The following ATRNL1 variants were observed in gnomAD, a reference collection of about 807,000 sequenced individuals.
The protein encoded by ATRNL1 is attractin-like protein 1.
A neutral mutation model predicts 182.7 loss-of-function variants in ATRNL1; 95 were observed. The observed-to-expected ratio is 0.52, with a 90% CI of 0.44 to 0.62. The LOEUF (loss-of-function observed/expected upper bound fraction) is 0.62, where lower values mean the gene tolerates loss of function less well. Among genes scored for constraint, ATRNL1 ranks in the 20% least tolerant of loss-of-function variants. The pLI is 0.00. For missense variants in ATRNL1, 1,471 were observed against 1,679.5 expected, an observed-to-expected ratio of 0.88 and a Z score of 2.17; for synonymous variants, 576 against 568.3, an observed-to-expected ratio of 1.01 and a Z score of -0.19.
intron 28 of ATRNL1, among the ~76,000 whole-genome samples, chr10:115,860,070 G>GA (rs1168705058): frequency 2.6e-5 from 4 of 152,242 alleles, no homozygotes; most frequent in East Asian, 1.9e-4. Context: ...AAAAGCACTG[G>GA]AAAAAATATG....
intron 19 of ATRNL1, among the ~76,000 whole-genome samples, chr10:115,362,528 T>A (rs1020128742): frequency 2.6e-5 from 4 of 152,144 alleles, no homozygotes; most frequent in African/African-American, 9.6e-5. Context: ...TGTTTTTTTT[T>A]TTTTATTATA....
intron 13 of ATRNL1, among the ~76,000 whole-genome samples, chr10:115,276,195 A>G (rs1465718724): frequency 6.6e-6 from 1 of 151,992 alleles, no homozygotes; most frequent in African/African-American, 2.4e-5. Context: ...ACCCCTTATA[A>G]TGGTGTTAAT....
intron 21 of ATRNL1, among the ~76,000 whole-genome samples, chr10:115,426,852 G>A (rs1554963013): frequency 6.6e-6 from 1 of 152,090 alleles, no homozygotes; most frequent in African/African-American, 2.4e-5. Flanking sequence ...AGCCTCCCAA[G>A]TAGCTGGGAT....
chr10:115,358,381 C>T (rs539511369), intron 19 of ATRNL1, among the ~76,000 whole-genome samples: 5 of 151,580 alleles, frequency 3.3e-5, no homozygotes, highest in African/African-American at 9.6e-5. Flanking sequence ...ATACTGAGCC[C>T]AGATAACTTT....
chr10:115,190,215 G>A (rs979012074), intron 8 of ATRNL1, among the ~76,000 whole-genome samples: 2 of 152,010 alleles, frequency 1.3e-5, no homozygotes, highest in Admixed American at 6.6e-5. Flanking sequence ...TTAGCAAACT[G>A]CTTTGCCATT....
chr10:115,212,643 T>C (rs1484510844), intron 8 of ATRNL1, among the ~76,000 whole-genome samples: 1 of 152,104 alleles, frequency 6.6e-6, no homozygotes, highest in African/African-American at 2.4e-5. Context: ...GTCGTACATA[T>C]ACACCGTGGA....
intron 1 of ATRNL1, chr10:115,096,579 C>T (rs2085016488): frequency 1.1e-6 from 1 of 879,916 alleles, no homozygotes; most frequent in Admixed American, 2.4e-5. Context: ...ATTGATCAAT[C>T]TTGGTAAGCA....
intron 27 of ATRNL1, among the ~76,000 whole-genome samples, chr10:115,815,495 G>GT (rs2134267537): frequency 7.0e-6 from 1 of 142,922 alleles, no homozygotes; most frequent in Non-Finnish European, 1.5e-5. Flanking sequence ...TTCCACTTGT[G>GT]TTTTTTTCAG....
At chr10:115,172,710 C>T (rs112633973) in intron 8 of ATRNL1, among the ~76,000 whole-genome samples, 73 of 152,058 alleles carry the variant, frequency 4.8e-4, no homozygotes, top group Non-Finnish European at 9.1e-4. Context: ...TTGAGACTAT[C>T]AGTTTTTCCA....
At chr10:115,661,849 C>T (rs1195306422) in intron 26 of ATRNL1, among the ~76,000 whole-genome samples, 34 of 152,048 alleles carry the variant, frequency 2.2e-4, no homozygotes, top group South Asian at 4.2e-4. Context: ...TATACCTGTG[C>T]CAGGTTGGTG....
intron 21 of ATRNL1, among the ~76,000 whole-genome samples, chr10:115,443,184 C>T (rs1425419368): frequency 6.6e-6 from 1 of 151,760 alleles, no homozygotes; most frequent in Non-Finnish European, 1.5e-5. Context: ...TAAATTTTTG[C>T]ATTTTTTTGG....
At chr10:115,844,532 A>G (rs74320964) in intron 27 of ATRNL1, among the ~76,000 whole-genome samples, 11,687 of 152,064 alleles carry the variant, frequency 0.077, 1,401 homozygotes, top group African/African-American at 0.26. Flanking sequence ...TCTGTTTGTA[A>G]TAGCTGAAAA....
At chr10:115,457,852 A>C (rs1418015650) in intron 21 of ATRNL1, among the ~76,000 whole-genome samples, 2 of 151,802 alleles carry the variant, frequency 1.3e-5, no homozygotes, top group African/African-American at 4.8e-5. Context: ...CTCTCTTTGC[A>C]ATTTTTCCTT....
intron 9 of ATRNL1, among the ~76,000 whole-genome samples, chr10:115,234,713 C>G (rs1396613014): frequency 2.0e-5 from 3 of 151,270 alleles, no homozygotes; most frequent in African/African-American, 7.3e-5. Context: ...ACTTTAGACT[C>G]CCGAGTCACT....
chr10:115,389,565 T>C (rs35575000), intron 19 of ATRNL1, among the ~76,000 whole-genome samples: 1 of 113,820 alleles, frequency 8.8e-6, no homozygotes, highest in Non-Finnish European at 1.9e-5. Context: ...TATATATATA[T>C]ATATATATAT....
chr10:115,418,460 A>G (rs1217241912), intron 20 of ATRNL1, among the ~76,000 whole-genome samples: 1 of 152,188 alleles, frequency 6.6e-6, no homozygotes, highest in African/African-American at 2.4e-5. Flanking sequence ...GATCTGTGGG[A>G]CAACATCAAA....
At chr10:115,723,880 G>C (rs186065029) in intron 26 of ATRNL1, among the ~76,000 whole-genome samples, 56 of 152,036 alleles carry the variant, frequency 3.7e-4, no homozygotes, top group African/African-American at 1.2e-3. Context: ...TTAATTCCAT[G>C]GTTTGTTTTA....
chr10:115,473,858 A>C (rs1592708659), intron 24 of ATRNL1, among the ~76,000 whole-genome samples: 1 of 151,334 alleles, frequency 6.6e-6, no homozygotes, highest in African/African-American at 2.4e-5. Context: ...ATTTGTTGGC[A>C]TACAATTCCC....
chr10:115,624,895 C>T (rs569085536), intron 26 of ATRNL1, among the ~76,000 whole-genome samples: 75 of 152,206 alleles, frequency 4.9e-4, no homozygotes, highest in African/African-American at 1.8e-3. Context: ...TCTGCAATAT[C>T]TTTAGAATTT....
Sources: gnomAD v4.1 joint callset for allele counts (sites outside exome capture counted in the v4.1 genomes callset) on GRCh38, gnomAD v4.1.1 for gene constraint, MANE v1.5 for transcripts, NCBI Gene and HGNC (gene_info 2026-07-23, HGNC 2026-07-21) for gene names.